Variants in VSIG8 observed in about 807,000 individuals in gnomAD.
The protein encoded by VSIG8 is V-set and immunoglobulin domain containing 8.
VSIG8 carries 32 observed loss-of-function variants against 42.6 expected under a neutral mutation model. The observed-to-expected ratio is 0.75, with a 90% CI of 0.57 to 1.01. The LOEUF is 1.01. Ranked by LOEUF, VSIG8 falls within the 50% of genes least tolerant of loss-of-function variation. The pLI, the probability that VSIG8 is intolerant of heterozygous loss-of-function variation, is 0.00. For synonymous variants in VSIG8, 290 were observed against 243.8 expected (o/e 1.19, Z -1.77); for missense variants, 529 against 558.0 (o/e 0.95, Z 0.52).
chr1:159,855,464 G>A (rs1482433343), intron 6 of VSIG8: 9 of 1,411,510 alleles, frequency 6.4e-6, no homozygotes, highest in Middle Eastern at 5.0e-4. Context: ...GCAATCATTA[G>A]CACTACTAGA....
At position 159,858,864 on chromosome 1, in the gene VSIG8, T is replaced by C; in HGVS notation, c.98A>G (p.Tyr33Cys). 1 of 1,614,040 alleles carries C rather than the reference T, an allele frequency of 6.2e-7. No individual in the cohort carries two copies. Among genetic ancestry groups the C allele is most frequent in the Non-Finnish European group, 8.5e-7 (1 of 1,180,006 alleles). Residue 33 changes from tyrosine to cysteine, a missense_variant, in exon 2 of 7, where the codon TAC becomes TGC. By Grantham distance (194) the Tyr-to-Cys change is radical. Coordinates refer to ENST00000368100, the MANE Select transcript of VSIG8 (RefSeq NM_001013661.1). ...CCTCACATTATCACCTTCTGCCAGG[T>C]ACAGGACCTCCTGTCCATCCCCGTT... ...RINGDGQEVL[Y>C]LAEGDNVRLG...
chr1:159,859,535 T>C lies in VSIG8; in HGVS notation c.50-623A>G, dbSNP rs145631044. On this transcript the variant is annotated intron_variant, in intron 1 of 6. Coordinates refer to ENST00000368100, the MANE Select transcript of VSIG8 (RefSeq NM_001013661.1). ...ATGACAGTGTGAGTCTGTGGCTGTA[T>C]GCCTCTGTGTGGTTTTGTATAGTGA... Among the ~76,000 whole-genome samples the C allele has an allele frequency of 3.0e-4, 45 of 152,308 alleles. No homozygotes were observed. In the East Asian group the frequency reaches 8.7e-3, roughly 29 times the overall value.
At chr1:159,860,025 T>C (rs1181525791) in intron 1 of VSIG8, among the ~76,000 whole-genome samples, 1 of 152,010 alleles carries the variant, frequency 6.6e-6, no homozygotes, top group African/African-American at 2.4e-5. Flanking sequence ...CACCTCCCAG[T>C]CTCCAGCAAC....
chr1:159,855,811 C>T, intron 6 of VSIG8, 72 bp downstream of exon 6: 2 of 1,468,926 alleles, frequency 1.4e-6, no homozygotes, highest in African/African-American at 1.5e-5. Context: ...CGGCCGGTGG[C>T]AGGCAGGAGT....
At position 159,854,529 on chromosome 1, in the gene VSIG8, A is replaced by T; in HGVS notation, c.*224T>A. ...CAAGCCTTCGGTCCCGGGGGTGCGG[A>T]GAAGGCTCAGGATCGCCTTCCTCCG... On this transcript the variant is annotated 3_prime_UTR_variant, in exon 7 of 7. Coordinates refer to ENST00000368100, the MANE Select transcript of VSIG8 (RefSeq NM_001013661.1). 1.2e-6 allele frequency: 1 copy of T among 833,246 alleles called. No homozygotes were observed. Among genetic ancestry groups the T allele is most frequent in the Non-Finnish European group, 1.7e-6 (1 of 605,448 alleles). The allele number at this position is 833,246 out of a possible 1,614,324, so 51.6% of individuals were successfully genotyped here.
At chr1:159,861,234 C>A (rs919202462) in intron 1 of VSIG8, 1 of 151,992 alleles carries the variant, frequency 6.6e-6, no homozygotes, top group Non-Finnish European at 1.5e-5. Flanking sequence ...GATTCTTTGC[C>A]CCCCAAAAGC....
In VSIG8 at chr1:159,856,590, G is replaced by A. The variant is rs1444143298; in HGVS notation, c.706C>T (p.Leu236=). Residue 236 remains leucine, a synonymous_variant, in exon 5 of 7, where the codon CTG becomes TTG. Coordinates refer to ENST00000368100, the MANE Select transcript of VSIG8 (RefSeq NM_001013661.1). The stretch of plus-strand genomic sequence containing the variant: ...TTGTTGGCCACTGTGCACTGATACA[G>A]CCCATCATCTGCTCTGGAGATATCC... ...LKDISRADDG[L]YQCTVANNVG... is the part of the protein sequence containing the mutation. The A allele has an allele frequency of 6.2e-7, 1 of 1,614,154 alleles. No homozygotes were observed. Among genetic ancestry groups the A allele is most frequent in the Non-Finnish European group, 8.5e-7 (1 of 1,180,014 alleles).
Position 159,858,929 on chromosome 1 carries a change from G to A in VSIG8, c.50-17C>T, listed in dbSNP as rs373325232. On this transcript the variant is annotated splice_polypyrimidine_tract_variant and intron_variant, in intron 1 of 6. Transcript: ENST00000368100. ...ACAGCAGTGCTAGGGGGAGGGCAGA[G>A]AAGATGGGGTGGTAGGAGCAGAAGC... 3.0e-5 allele frequency: 48 copies of A among 1,607,978 alleles called. No individual in the cohort carries two copies. The highest frequency in any genetic ancestry group is 4.0e-5 in the African/African-American group (3 of 74,806).
intron 1 of VSIG8, chr1:159,862,028 C>T (rs1649040101): frequency 6.1e-6 from 1 of 163,586 alleles, no homozygotes; most frequent in African/African-American, 2.4e-5. Context: ...TGGCCCTGGC[C>T]TTGGGAGAGA....
rs1299139051 is a variant in VSIG8, at chr1:159,854,702, A to G, written c.*51T>C. The G allele has an allele frequency of 7.1e-7, 1 of 1,408,958 alleles. No individual in the cohort carries two copies. The highest frequency in any genetic ancestry group is 1.5e-5 in the South Asian group (1 of 65,874). 87.3% of individuals were successfully genotyped at this position (1,408,958 alleles called of 1,614,324 possible). A position where few individuals can be genotyped will look rare whatever the true frequency, so the allele number is the denominator to read the frequency against. On this transcript the variant is annotated 3_prime_UTR_variant, in exon 7 of 7. Coordinates refer to ENST00000368100, the MANE Select transcript of VSIG8 (RefSeq NM_001013661.1). ...GACGTGTCCCCAGCTGCAGACAGAGAGCCCCGCGCCCTCCTCCTGGCTGGG... is the reference window on the plus strand; with the variant it reads ...GACGTGTCCCCAGCTGCAGACAGAGGGCCCCGCGCCCTCCTCCTGGCTGGG...
intron 4 of VSIG8, among the ~76,000 whole-genome samples, chr1:159,857,163 G>A (rs1336105850): frequency 6.6e-6 from 1 of 152,180 alleles, no homozygotes; most frequent in Non-Finnish European, 1.5e-5. Context: ...TAAACTTGGA[G>A]CCAGTCAGTG....
At chr1:159,857,177 C>T (rs1020471272) in intron 4 of VSIG8, among the ~76,000 whole-genome samples, 1 of 152,184 alleles carries the variant, frequency 6.6e-6, no homozygotes, top group Non-Finnish European at 1.5e-5. Context: ...GTCAGTGTCC[C>T]AGCCAGGATT....
At chr1:159,856,170 T>A in intron 5 of VSIG8, 89 bp from the exon 6 acceptor site, 1 of 1,364,980 alleles carries the variant, frequency 7.3e-7, no homozygotes, top group Non-Finnish European at 1.0e-6. Flanking sequence ...GGTCAGGGGT[T>A]AATGGGAAAG....
intron 1 of VSIG8, chr1:159,862,213 C>T (rs1346455061): frequency 4.8e-6 from 2 of 417,686 alleles, no homozygotes; most frequent in African/African-American, 2.0e-5. Context: ...CACCTGCACA[C>T]ATGTGTGAGC....
chr1:159,858,356 C>G (rs1169450258), intron 2 of VSIG8, 65 bp from the exon 3 acceptor site: 1 of 1,544,886 alleles, frequency 6.5e-7, no homozygotes, highest in African/African-American at 1.4e-5. Context: ...TGTGGATTGG[C>G]TGCTTTGGGC....
chr1:159,855,183 T>C (rs1356627809), intron 6 of VSIG8, 157 bp from the exon 7 acceptor site: 2 of 1,551,600 alleles, frequency 1.3e-6, no homozygotes, highest in African/African-American at 2.7e-5. Flanking sequence ...TACTGTCCTT[T>C]GTGACCCTTC....
chr1:159,861,285 G>C (rs1649014528), intron 1 of VSIG8: 1 of 152,044 alleles, frequency 6.6e-6, no homozygotes. Flanking sequence ...CATCTCAATA[G>C]TGGTGCCTAC....
chr1:159,862,079 G>T (rs1241256678), intron 1 of VSIG8: 2 of 217,064 alleles, frequency 9.2e-6, no homozygotes, highest in East Asian at 9.5e-5. Context: ...GATGAAAATT[G>T]ATCCTTCCCA....
Position 159,858,762 on chromosome 1 carries a change from G to A in VSIG8, c.200C>T (p.Ser67Leu), listed in dbSNP as rs772833098. The A allele has an allele frequency of 1.9e-6, 3 of 1,595,118 alleles. No homozygotes were observed. The East Asian group carries it at 6.8e-5, about 36-fold the overall frequency. Residue 67 changes from serine to leucine, a missense_variant, in exon 2 of 7, where the codon TCA (serine) becomes TTA (leucine). Physicochemically the swap from Ser to Leu is moderately radical, Grantham distance 145. Transcript: ENST00000368100. ...GTTCTCTCGGTGGTGGGCGGGGTCT[G>A]AGTTGACCTGCATCCACTCGATGTC... ...GLDIEWMQVN[S>L]DPAHHRENVF...
Sources: allele counts gnomAD v4.1 joint callset (sites outside exome capture counted in the v4.1 genomes callset), GRCh38; gene constraint gnomAD v4.1.1; transcripts MANE v1.5; gene names NCBI Gene and HGNC (gene_info 2026-07-23, HGNC 2026-07-21).